The following ZNF804B variants were observed in gnomAD, a reference collection of about 807,000 sequenced individuals.
ZNF804B encodes the protein zinc finger 804B.
A neutral mutation model predicts 101.4 loss-of-function variants in ZNF804B; 80 were observed. The ratio of observed to expected loss-of-function variants is 0.79; its 90% CI spans 0.66 to 0.95. The LOEUF is 0.95. Among genes scored for constraint, ZNF804B ranks in the 40% least tolerant of loss-of-function variants. The pLI, the probability that ZNF804B is intolerant of heterozygous loss-of-function variation, is 0.00. For synonymous variants in ZNF804B, 622 were observed against 558.8 expected (o/e 1.11, Z -1.59); for missense variants, 1,673 against 1,561.9 (o/e 1.07, Z -1.20).
chr7:88,794,725 A>C, intron 1 of ZNF804B: 1 of 1,613,618 alleles, frequency 6.2e-7, no homozygotes, highest in Non-Finnish European at 8.5e-7. Flanking sequence ...AACTGACTGA[A>C]ACATTTGTTC....
At chr7:88,979,406 G>GTTT (rs1326336520) in intron 1 of ZNF804B, among the ~76,000 whole-genome samples, 2 of 151,820 alleles carry the variant, frequency 1.3e-5, no homozygotes, top group African/African-American at 2.4e-5. Context: ...TTCTGGGAAA[G>GTTT]TCTTTATTTC....
intron 1 of ZNF804B, chr7:88,794,736 A>G (rs1272395953): frequency 1.1e-5 from 18 of 1,613,472 alleles, no homozygotes; most frequent in Non-Finnish European, 1.5e-5. Context: ...ACATTTGTTC[A>G]TAGTAGTCAG....
chr7:88,865,407 C>G (rs1053119654), intron 1 of ZNF804B, among the ~76,000 whole-genome samples: 8 of 151,884 alleles, frequency 5.3e-5, no homozygotes, highest in African/African-American at 1.9e-4. Context: ...TGGTATGCAC[C>G]TGTGGTCCCA....
At chr7:89,324,388 C>A (rs1019134285) in intron 2 of ZNF804B, among the ~76,000 whole-genome samples, 2 of 151,682 alleles carry the variant, frequency 1.3e-5, no homozygotes, top group African/African-American at 4.8e-5. Flanking sequence ...AATATGTGTT[C>A]TTACATTCTT....
chr7:88,956,167 A>T (rs2116079623), intron 1 of ZNF804B, among the ~76,000 whole-genome samples: 1 of 151,678 alleles, frequency 6.6e-6, no homozygotes, highest in East Asian at 2.0e-4. Context: ...ATCTTGGAAA[A>T]CAGTATGGAG....
chr7:89,161,419 C>T (rs898521859), intron 1 of ZNF804B, among the ~76,000 whole-genome samples: 1 of 151,926 alleles, frequency 6.6e-6, no homozygotes, highest in African/African-American at 2.4e-5. Context: ...ATAAACTAAT[C>T]CACATGAAAT....
At chr7:88,947,500 C>T (rs1382189981) in intron 1 of ZNF804B, among the ~76,000 whole-genome samples, 1 of 151,494 alleles carries the variant, frequency 6.6e-6, no homozygotes, top group Non-Finnish European at 1.5e-5. Flanking sequence ...GAACATCAAA[C>T]ACCAGGGCCT....
At chr7:89,302,316 C>T (rs1463804371) in intron 2 of ZNF804B, among the ~76,000 whole-genome samples, 1 of 151,804 alleles carries the variant, frequency 6.6e-6, no homozygotes, top group African/African-American at 2.4e-5. Flanking sequence ...AGAGTTAAGC[C>T]TCAGCTCTCT....
intron 2 of ZNF804B, among the ~76,000 whole-genome samples, chr7:89,289,015 T>C (rs1790247301): frequency 6.6e-6 from 1 of 152,168 alleles, no homozygotes; most frequent in South Asian, 2.1e-4. Flanking sequence ...TAACATATGG[T>C]AGACCATAAT....
chr7:89,328,055 C>G (rs900835443), intron 3 of ZNF804B, among the ~76,000 whole-genome samples: 10 of 151,858 alleles, frequency 6.6e-5, no homozygotes, highest in Non-Finnish European at 1.0e-4. Context: ...AAAGTTGTTA[C>G]CTGGAATGCA....
chr7:89,013,908 G>A (rs561028269), intron 1 of ZNF804B, among the ~76,000 whole-genome samples: 122 of 152,224 alleles, frequency 8.0e-4, no homozygotes, highest in Non-Finnish European at 1.2e-3. Flanking sequence ...TTTAACAACC[G>A]CAGGGTCATT....
intron 1 of ZNF804B, among the ~76,000 whole-genome samples, chr7:88,813,798 A>T (rs538516133): frequency 6.6e-6 from 1 of 152,310 alleles, no homozygotes; most frequent in South Asian, 2.1e-4. Flanking sequence ...TCTACAGGGT[A>T]TTTTATCCAT....
At chr7:88,836,387 G>T (rs1791215113) in intron 1 of ZNF804B, among the ~76,000 whole-genome samples, 1 of 151,814 alleles carries the variant, frequency 6.6e-6, no homozygotes, top group Non-Finnish European at 1.5e-5. Flanking sequence ...GAAAAGATGT[G>T]AAAGGCTTGG....
intron 1 of ZNF804B, among the ~76,000 whole-genome samples, chr7:88,992,469 C>A (rs1041898723): frequency 6.6e-6 from 1 of 151,962 alleles, no homozygotes. Context: ...TTCTATAGAC[C>A]AAAAATCAGT....
intron 1 of ZNF804B, among the ~76,000 whole-genome samples, chr7:88,837,641 G>C (rs1791234291): frequency 1.3e-5 from 2 of 151,816 alleles, no homozygotes; most frequent in Non-Finnish European, 2.9e-5. Context: ...GCTTTAATAA[G>C]TCACCAATTG....
chr7:88,863,359 T>C (rs1583983393), intron 1 of ZNF804B, among the ~76,000 whole-genome samples: 2 of 152,352 alleles, frequency 1.3e-5, no homozygotes, highest in Middle Eastern at 3.4e-3. Flanking sequence ...TGCCCATTCA[T>C]AGCTTGAATA....
intron 1 of ZNF804B, among the ~76,000 whole-genome samples, chr7:89,068,481 A>G (rs2189051): frequency 0.038 from 5,847 of 152,210 alleles, 154 homozygotes; most frequent in East Asian, 0.12. Flanking sequence ...AAATATGATC[A>G]CAATGTTTAA....
intron 1 of ZNF804B, among the ~76,000 whole-genome samples, chr7:89,059,744 T>G (rs1050848254): frequency 6.6e-6 from 1 of 152,100 alleles, no homozygotes; most frequent in African/African-American, 2.4e-5. Flanking sequence ...TGGGACTTAA[T>G]TTTGGATGTC....
chr7:89,219,846 A>G (rs1387888881), intron 2 of ZNF804B, among the ~76,000 whole-genome samples: 1 of 147,884 alleles, frequency 6.8e-6, no homozygotes, highest in Non-Finnish European at 1.5e-5. Context: ...ATATATATGT[A>G]TATATATGTA....
Sources: gnomAD v4.1 joint callset for allele counts (sites outside exome capture counted in the v4.1 genomes callset) on GRCh38, gnomAD v4.1.1 for gene constraint, MANE v1.5 for transcripts, NCBI Gene and HGNC (gene_info 2026-07-23, HGNC 2026-07-21) for gene names.